Variants in CSNK1D observed in about 807,000 individuals in gnomAD.
CSNK1D encodes the protein casein kinase 1 delta, also known as casein kinase I isoform delta.
In CSNK1D, 16 loss-of-function variants were observed where a neutral mutation model predicts 46.6. The observed-to-expected ratio is 0.34, with a 90% CI of 0.23 to 0.52. The LOEUF is 0.52. CSNK1D is among the 20% of genes least tolerant of loss of function. The probability of loss-of-function intolerance (pLI) is 0.95; values close to 1 mark genes in which losing one functional copy is unlikely to be tolerated. For missense variants in CSNK1D, 398 were observed against 578.4 expected, an observed-to-expected ratio of 0.69 and a Z score of 3.20; for synonymous variants, 276 against 228.2, an observed-to-expected ratio of 1.21 and a Z score of -1.89.
Position 82,273,531 on chromosome 17 carries a change from C to T in CSNK1D, c.-150G>A, listed in dbSNP as rs1247447829. 1.4e-5 allele frequency: 13 copies of T among 954,748 alleles called. No homozygotes were observed. The East Asian group carries it at 2.7e-4, about 20-fold the overall frequency. The allele number at this position is 954,748 out of a possible 1,614,324, so 59.1% of individuals were successfully genotyped here. On this transcript the variant is annotated 5_prime_UTR_variant, in exon 1 of 9. Coordinates refer to ENST00000314028, the MANE Select transcript of CSNK1D (RefSeq NM_001893.6). This position sits in a 1 kb window ranked among gnomAD's most constrained non-coding sequence, Gnocchi z 5.1. ...CTTTCACCATCGCTTTCCTGTCGCC[C>T]CGCCGCTCCCAGCGCCTCAATACGG...
At position 82,248,123 on chromosome 17, in the gene CSNK1D, T is replaced by C; in HGVS notation, c.1197+752A>G. Reference sequence around the variant, plus strand: ...TGGGGGATCTGGGCACCCCCCAGGATGCCTGCTGGTGAAACAGCCCTGCCC... The same window carrying C: ...TGGGGGATCTGGGCACCCCCCAGGACGCCTGCTGGTGAAACAGCCCTGCCC... On this transcript the variant is annotated intron_variant, in intron 8 of 8. Transcript: ENST00000314028. The surrounding 1 kb of genome is among the most constrained non-coding windows in gnomAD (Gnocchi z 4.1). The C allele has an allele frequency of 1.0e-6, 1 of 985,532 alleles. No homozygotes were observed. The highest frequency in any genetic ancestry group is 4.7e-5 in the South Asian group (1 of 21,304). The allele number at this position is 985,532 out of a possible 1,614,324, so 61.0% of individuals were successfully genotyped here.
chr17:82,244,646 C>T lies in CSNK1D; in HGVS notation c.*135G>A. ...TAGTATGTTTCCCCCACGAGCGTCG[C>T]TGGGTGAGTGGCCTGGAGAGCTCCC... On this transcript the variant is annotated 3_prime_UTR_variant, in exon 9 of 9. Transcript: ENST00000314028. 6.4e-7 allele frequency: 1 copy of T among 1,555,182 alleles called. No homozygotes were observed. The highest frequency in any genetic ancestry group is 1.2e-5 in the South Asian group (1 of 85,510).
rs943448923 is a variant in CSNK1D at position 82,255,821 on chromosome 17, C to T, written c.188-244G>A. Among the ~76,000 whole-genome samples the T allele has an allele frequency of 1.5e-4, 23 of 152,146 alleles. No homozygotes were observed. Among genetic ancestry groups the T allele is most frequent in the Admixed American group, 4.6e-4 (7 of 15,272 alleles). On this transcript the variant is annotated intron_variant, in intron 2 of 8. Coordinates refer to ENST00000314028, the MANE Select transcript of CSNK1D (RefSeq NM_001893.6). The surrounding 1 kb of genome is among the most constrained non-coding windows in gnomAD (Gnocchi z 5.9). ...AAGCAGACAGGAGCTGTAAGGGGGACAAGGAGGGGATCGAAGCCCCACCTC... is the reference window on the plus strand; with the variant it reads ...AAGCAGACAGGAGCTGTAAGGGGGATAAGGAGGGGATCGAAGCCCCACCTC...
At position 82,243,936 on chromosome 17, in the gene CSNK1D, T is replaced by G. The variant is rs2050786642; in HGVS notation, c.*845A>C. ...GGTCTCAAAGCCTCTGCTTCCAAGC[T>G]CTCAGCTGCCTGCCCACCTCCTGGG... is the stretch of plus-strand genomic sequence containing the variant. On this transcript the variant is annotated 3_prime_UTR_variant, in exon 9 of 9. Transcript: ENST00000314028. 4 of 985,870 alleles carry G rather than the reference T, an allele frequency of 4.1e-6. No individual in the cohort carries two copies. Among genetic ancestry groups the G allele is most frequent in the Non-Finnish European group, 4.8e-6 (4 of 830,260 alleles). The allele number at this position is 985,870 out of a possible 1,614,324, so 61.1% of individuals were successfully genotyped here.
At chr17:82,257,666 C>G (rs996418034) in intron 2 of CSNK1D, among the ~76,000 whole-genome samples, 1 of 152,204 alleles carries the variant, frequency 6.6e-6, no homozygotes, top group African/African-American at 2.4e-5. Context: ...CTGGGCTGCC[C>G]CCTGCACTGC....
At chr17:82,241,848 G>A (rs895397233), downstream of CSNK1D, among the ~76,000 whole-genome samples, 6 of 152,234 alleles carry the variant, frequency 3.9e-5, no homozygotes, top group Admixed American at 3.3e-4. Flanking sequence ...GCATCCCCAC[G>A]GTTGGGGAAG....
Position 82,251,408 on chromosome 17 carries a change from A to G in CSNK1D, c.856T>C (p.Tyr286His). The change falls in exon 6 of 9, where the codon TAC (tyrosine) becomes CAC (histidine). Residue 286 changes from tyrosine (Y) to histidine (H), a missense_variant. This residue lies in a region of CSNK1D where 181 missense variants were observed against 208.0 expected (regional missense o/e 0.87). Coordinates refer to ENST00000314028, the MANE Select transcript of CSNK1D (RefSeq NM_001893.6). The surrounding 1 kb of genome is among the most constrained non-coding windows in gnomAD (Gnocchi z 4.5). Reference protein sequence around the residue: ...LFHRQGFSYDYVFDWNMLKFG... With the variant: ...LFHRQGFSYDHVFDWNMLKFG... ...TTGAGCATGTTCCAGTCGAACACGT[A>G]GTCATAGGAGAAGCCCTGGCGATGG... 1 of 1,614,182 alleles carries G rather than the reference A, an allele frequency of 6.2e-7. No homozygotes were observed. Among genetic ancestry groups the G allele is most frequent in the Non-Finnish European group, 8.5e-7 (1 of 1,180,034 alleles).
At chr17:82,247,813 C>T (rs2050889467) in intron 8 of CSNK1D, 1 of 985,318 alleles carries the variant, frequency 1.0e-6, no homozygotes, top group Non-Finnish European at 1.2e-6. Flanking sequence ...AGCCAAAATC[C>T]CTGCATCTTT....
Position 82,251,821 on chromosome 17 carries a change from T to G in CSNK1D, c.737-294A>C, listed in dbSNP as rs2147171096. Reference sequence around the variant, plus strand: ...CTGGCTAACACAGTGAAACCCCATCTCTACTGAAAAAAAAAAAAAAAAAGT... The same window carrying G: ...CTGGCTAACACAGTGAAACCCCATCGCTACTGAAAAAAAAAAAAAAAAAGT... On this transcript the variant is annotated intron_variant, in intron 5 of 8. Transcript: ENST00000314028. The surrounding 1 kb of genome is among the most constrained non-coding windows in gnomAD (Gnocchi z 4.5). 5.5e-6 allele frequency: 2 copies of G among 366,174 alleles called. No individual in the cohort carries two copies. The highest frequency in any genetic ancestry group is 4.9e-5 in the South Asian group (2 of 40,700). 22.7% of individuals were successfully genotyped at this position (366,174 alleles called of 1,614,324 possible).
rs142057751 is a variant in CSNK1D at position 82,248,512 on chromosome 17, G to A, written c.1197+363C>T. The stretch of plus-strand genomic sequence containing the variant: ...GAGGAAGAATGAGGAAGGCTCCCTC[G>A]GGCTGGGGGCACCCACAATGGGGCG... On this transcript the variant is annotated intron_variant, in intron 8 of 8. Coordinates refer to ENST00000314028, the MANE Select transcript of CSNK1D (RefSeq NM_001893.6). The surrounding 1 kb of genome is among the most constrained non-coding windows in gnomAD (Gnocchi z 4.1). The A allele has an allele frequency of 0.011, 12,262 of 1,113,568 alleles. 71 individuals are homozygous for A. Among genetic ancestry groups the A allele is most frequent in the Non-Finnish European group, 0.012 (11,286 of 905,300 alleles). The allele number at this position is 1,113,568 out of a possible 1,614,324, so 69.0% of individuals were successfully genotyped here.
Position 82,249,710 on chromosome 17 carries a change from G to A in CSNK1D, c.886-108C>T. 6.6e-7 allele frequency: 1 copy of A among 1,523,406 alleles called. No homozygotes were observed. The highest frequency in any genetic ancestry group is 8.8e-7 in the Non-Finnish European group (1 of 1,139,626). The allele number at this position is 1,523,406 out of a possible 1,614,324, so 94.4% of individuals were successfully genotyped here. A position where few individuals can be genotyped will look rare whatever the true frequency, so the allele number is the denominator to read the frequency against. ...AGAAAATACCTACCAAAGGGCACTG[G>A]GACGAGACTGCCTGCAAAGCCCCCC... On this transcript the variant is annotated intron_variant, in intron 6 of 8. Coordinates refer to ENST00000314028, the MANE Select transcript of CSNK1D (RefSeq NM_001893.6). The surrounding 1 kb of genome is among the most constrained non-coding windows in gnomAD (Gnocchi z 6.7).
chr17:82,242,577 T>C, downstream of CSNK1D: 2 of 912,508 alleles, frequency 2.2e-6, no homozygotes, highest in Non-Finnish European at 2.6e-6. Flanking sequence ...CAAACAGCCA[T>C]CTCAAAGAAG....
chr17:82,271,672 T>A (rs1319726856), intron 1 of CSNK1D, among the ~76,000 whole-genome samples: 1 of 152,236 alleles, frequency 6.6e-6, no homozygotes, highest in Non-Finnish European at 1.5e-5. Flanking sequence ...ACCTGGCAGG[T>A]TAACCAGGCA....
intron 8 of CSNK1D, chr17:82,247,166 G>A: frequency 2.0e-6 from 2 of 985,462 alleles, no homozygotes; most frequent in Non-Finnish European, 2.4e-6. Context: ...GCTCTCTCTG[G>A]AGACTCCTCC....
At chr17:82,245,484 G>C (rs2050828086) in intron 8 of CSNK1D, 2 of 210,074 alleles carry the variant, frequency 9.5e-6, no homozygotes, top group Admixed American at 5.3e-5. Context: ...GAAGAGAGAG[G>C]CGACTAGAAA....
rs958716597 is a variant in CSNK1D, at chr17:82,255,680, C to T, written c.188-103G>A. 5.8e-5 allele frequency: 84 copies of T among 1,443,108 alleles called. No homozygotes were observed. The highest frequency in any genetic ancestry group is 3.4e-4 in the Admixed American group (20 of 59,680). The allele number at this position is 1,443,108 out of a possible 1,614,324, so 89.4% of individuals were successfully genotyped here. A position where few individuals can be genotyped will look rare whatever the true frequency, so the allele number is the denominator to read the frequency against. On this transcript the variant is annotated intron_variant, in intron 2 of 8. Transcript: ENST00000314028. This position sits in a 1 kb window ranked among gnomAD's most constrained non-coding sequence, Gnocchi z 5.9. The stretch of plus-strand genomic sequence containing the variant: ...AAGGGGTCATGGTGACAATCCTGAA[C>T]GGGGGAGGGGTGGTGGAGGTAGAAG...
downstream of CSNK1D, among the ~76,000 whole-genome samples, chr17:82,240,432 C>T (rs2050726827): frequency 6.6e-6 from 1 of 152,230 alleles, no homozygotes; most frequent in Non-Finnish European, 1.5e-5. Context: ...GGACTGCTCA[C>T]ACCCAGGGGT....
intron 8 of CSNK1D, chr17:82,246,533 C>CT (rs1326579680): frequency 1.0e-5 from 11 of 1,067,000 alleles, no homozygotes; most frequent in Non-Finnish European, 1.3e-5. Context: ...ACTAGATGGC[C>CT]TTTAGGGCCC....
At chr17:82,241,423 C>T (rs538701763), downstream of CSNK1D, among the ~76,000 whole-genome samples, 2 of 152,368 alleles carry the variant, frequency 1.3e-5, no homozygotes, top group African/African-American at 4.8e-5. Context: ...GACACAGACC[C>T]AGCCAGACTC....
Sources: allele counts gnomAD v4.1 joint callset (sites outside exome capture counted in the v4.1 genomes callset), GRCh38; gene constraint gnomAD v4.1.1; regional missense constraint gnomAD v4.1.1; non-coding constraint Gnocchi (gnomAD v3.1); transcripts MANE v1.5; gene names NCBI Gene and HGNC (gene_info 2026-07-23, HGNC 2026-07-21).